Variants in CELF4 observed in about 807,000 individuals in gnomAD.
CELF4 encodes CUG-BP- and ETR-3-like factor 4.
Under a neutral mutation model 59.9 loss-of-function variants are expected in CELF4, and 18 were observed. The observed-to-expected ratio is 0.30, with a 90% CI of 0.21 to 0.45. The LOEUF is 0.45. CELF4 is among the 20% of genes least tolerant of loss of function. The probability of loss-of-function intolerance (pLI) is 1.00; values close to 1 mark genes in which losing one functional copy is unlikely to be tolerated. For synonymous variants in CELF4, 261 were observed against 267.1 expected, an observed-to-expected ratio of 0.98 and a Z score of 0.22; for missense variants, 456 against 689.0, an observed-to-expected ratio of 0.66 and a Z score of 3.79.
intron 2 of CELF4, among the ~76,000 whole-genome samples, chr18:37,441,061 T>A (rs1422787003): frequency 1.3e-5 from 2 of 152,234 alleles, no homozygotes; most frequent in Non-Finnish European, 2.9e-5. Flanking sequence ...ACCTAGACCG[T>A]TCTTGCCTTG....
intron 3 of CELF4, among the ~76,000 whole-genome samples, chr18:37,300,310 C>A (rs1212349463): frequency 1.3e-5 from 2 of 152,038 alleles, no homozygotes; most frequent in East Asian, 3.9e-4. Flanking sequence ...CTGCAACCTC[C>A]ACCTCCCAGG....
intron 1 of CELF4, among the ~76,000 whole-genome samples, chr18:37,509,374 G>GA (rs1305373174): frequency 1.2e-4 from 18 of 152,362 alleles, no homozygotes; most frequent in African/African-American, 2.9e-4. Context: ...TGTGTGTGGT[G>GA]AAAAAATCCA....
chr18:37,557,372 C>T (rs1046051257), intron 1 of CELF4, among the ~76,000 whole-genome samples: 14 of 152,236 alleles, frequency 9.2e-5, no homozygotes, highest in African/African-American at 1.9e-4. Flanking sequence ...ACCCTGCCCT[C>T]GGTGCACAAC....
chr18:37,443,682 G>A (rs2099739687), intron 2 of CELF4, among the ~76,000 whole-genome samples: 1 of 152,110 alleles, frequency 6.6e-6, no homozygotes, highest in African/African-American at 2.4e-5. Flanking sequence ...ATGAAAGGGT[G>A]GGGAGCAGAC....
intron 10 of CELF4, among the ~76,000 whole-genome samples, chr18:37,262,018 C>T (rs1328635501): frequency 6.6e-6 from 1 of 152,218 alleles, no homozygotes; most frequent in African/African-American, 2.4e-5. Context: ...CTCCAGCCCA[C>T]CTTGCGCCTG....
chr18:37,535,601 G>A (rs906647597), intron 1 of CELF4, among the ~76,000 whole-genome samples: 3 of 152,184 alleles, frequency 2.0e-5, no homozygotes, highest in African/African-American at 2.4e-5. Flanking sequence ...CATGTGGGCC[G>A]TTAGGTAATA....
chr18:37,422,792 C>T (rs1386049080), intron 2 of CELF4, among the ~76,000 whole-genome samples: 1 of 152,170 alleles, frequency 6.6e-6, no homozygotes, highest in African/African-American at 2.4e-5. Context: ...GGAAGCTGGC[C>T]AGAGACTACC....
Position 37,253,740 on chromosome 18 carries a change from C to T in CELF4, c.*44+27G>A. Reference sequence around the variant, plus strand: ...CGTCTGGTTCCCTCCCAACCCCCGTCCCCGCGCCCCGGCCGCCCCCGGTTA... The same window carrying T: ...CGTCTGGTTCCCTCCCAACCCCCGTTCCCGCGCCCCGGCCGCCCCCGGTTA... On this transcript the variant is annotated intron_variant, in intron 12 of 12. Transcript: ENST00000420428. The surrounding 1 kb of genome is among the most constrained non-coding windows in gnomAD (Gnocchi z 4.5). The T allele has an allele frequency of 6.6e-7, 1 of 1,523,552 alleles. No individual in the cohort carries two copies. Among genetic ancestry groups the T allele is most frequent in the South Asian group, 1.2e-5 (1 of 81,992 alleles). 94.4% of individuals were successfully genotyped at this position (1,523,552 alleles called of 1,614,324 possible).
At chr18:37,287,112 G>A (rs2094867597) in intron 3 of CELF4, among the ~76,000 whole-genome samples, 1 of 152,158 alleles carries the variant, frequency 6.6e-6, no homozygotes, top group African/African-American at 2.4e-5. Context: ...GACAAGCCAG[G>A]TGACTCGGGC....
At chr18:37,378,528 G>A (rs964598424) in intron 2 of CELF4, among the ~76,000 whole-genome samples, 4 of 152,324 alleles carry the variant, frequency 2.6e-5, no homozygotes, top group South Asian at 2.1e-4. Flanking sequence ...ATTAACAACC[G>A]CATCCTTCTT....
intron 2 of CELF4, among the ~76,000 whole-genome samples, chr18:37,477,275 G>T (rs529838440): frequency 6.6e-6 from 1 of 152,360 alleles, no homozygotes; most frequent in African/African-American, 2.4e-5. Flanking sequence ...GATGGGGACG[G>T]ATTGGAAAGC....
chr18:37,303,425 A>G (rs2096202594), intron 3 of CELF4, among the ~76,000 whole-genome samples: 1 of 152,168 alleles, frequency 6.6e-6, no homozygotes, highest in Non-Finnish European at 1.5e-5. Context: ...GTTTAAAGAC[A>G]TTTTGAATTT....
chr18:37,362,366 G>T (rs2098718119), intron 2 of CELF4, among the ~76,000 whole-genome samples: 1 of 152,216 alleles, frequency 6.6e-6, no homozygotes, highest in Admixed American at 6.5e-5. Flanking sequence ...GGCAGCCGAA[G>T]GTCAAGGCCA....
At chr18:37,562,534 G>A (rs2099986878) in intron 1 of CELF4, among the ~76,000 whole-genome samples, 1 of 152,106 alleles carries the variant, frequency 6.6e-6, no homozygotes, top group Admixed American at 6.5e-5. Context: ...GCTTAACAAA[G>A]GCATGATTCT....
chr18:37,443,679 G>T (rs574248172), intron 2 of CELF4, among the ~76,000 whole-genome samples: 1 of 152,086 alleles, frequency 6.6e-6, no homozygotes, highest in African/African-American at 2.4e-5. Flanking sequence ...GGTATGAAAG[G>T]GTGGGGAGCA....
At chr18:37,367,585 G>A (rs2098801285) in intron 2 of CELF4, among the ~76,000 whole-genome samples, 2 of 152,130 alleles carry the variant, frequency 1.3e-5, no homozygotes, top group African/African-American at 4.8e-5. Context: ...TGGGTGCCCG[G>A]AAGGTGCAAT....
intron 2 of CELF4, among the ~76,000 whole-genome samples, chr18:37,378,926 C>T (rs978086899): frequency 2.6e-5 from 4 of 152,214 alleles, no homozygotes; most frequent in African/African-American, 9.6e-5. Context: ...ATGGTATCAA[C>T]CAGCCTTTTG....
intron 1 of CELF4, among the ~76,000 whole-genome samples, chr18:37,544,533 AG>A (rs1283103713): frequency 1.3e-5 from 2 of 152,198 alleles, no homozygotes; most frequent in Non-Finnish European, 2.9e-5. Context: ...TTGAAAACAA[AG>A]AACTTGCACG....
rs375384630 is a variant in CELF4, at chr18:37,336,886, T to C, written c.370-15005A>G. On this transcript the variant is annotated intron_variant, in intron 2 of 12. Coordinates refer to ENST00000420428, the MANE Select transcript of CELF4 (RefSeq NM_020180.4). Reference sequence around the variant, plus strand: ...GGGGTGCCCTTTGAAATGCCAGTGCTGTCACCCCAACCCCCGGCGGGGCTG... The same window carrying C: ...GGGGTGCCCTTTGAAATGCCAGTGCCGTCACCCCAACCCCCGGCGGGGCTG... Among the ~76,000 whole-genome samples, 59 of 151,490 alleles carry C rather than the reference T, an allele frequency of 3.9e-4. No individual in the cohort carries two copies. In the East Asian group the frequency reaches 9.6e-3, roughly 25 times the overall value.
Sources: gnomAD v4.1 joint callset for allele counts (sites outside exome capture counted in the v4.1 genomes callset) on GRCh38, gnomAD v4.1.1 for gene constraint, Gnocchi (gnomAD v3.1) non-coding constraint, MANE v1.5 for transcripts, NCBI Gene and HGNC (gene_info 2026-07-23, HGNC 2026-07-21) for gene names.